ANKRD12: variants seen among roughly 807,000 people sequenced by gnomAD.
ANKRD12 encodes ankyrin repeat domain-containing protein 12.
Under a neutral mutation model 183.4 loss-of-function variants are expected in ANKRD12, and 85 were observed. The observed-to-expected ratio is 0.46, with a 90% CI of 0.39 to 0.56. ANKRD12 has a LOEUF of 0.56. Among genes scored for constraint, ANKRD12 ranks in the 20% least tolerant of loss-of-function variants. The pLI is 0.00. For synonymous variants in ANKRD12, 914 were observed against 800.2 expected (o/e 1.14, Z -2.40); for missense variants, 2,405 against 2,357.1 (o/e 1.02, Z -0.42).
At chr18:9,267,042 G>C (rs1000940667) in intron 10 of ANKRD12, among the ~76,000 whole-genome samples, 5 of 152,070 alleles carry the variant, frequency 3.3e-5, no homozygotes, top group South Asian at 2.1e-4. Flanking sequence ...AATGGTAAAG[G>C]GATCAATTCA....
At chr18:9,139,989 A>C (rs1276634134) in intron 1 of ANKRD12, among the ~76,000 whole-genome samples, 1 of 152,174 alleles carries the variant, frequency 6.6e-6, no homozygotes, top group Non-Finnish European at 1.5e-5. Context: ...AGAACATTGA[A>C]ATATAAGTGA....
At chr18:9,180,645 G>A (rs1050137064) in intron 1 of ANKRD12, among the ~76,000 whole-genome samples, 2 of 152,000 alleles carry the variant, frequency 1.3e-5, no homozygotes, top group African/African-American at 4.8e-5. Flanking sequence ...TATACATCTT[G>A]CACCCAGAAG....
chr18:9,152,723 T>G (rs1171615909), intron 1 of ANKRD12, among the ~76,000 whole-genome samples: 1 of 152,076 alleles, frequency 6.6e-6, no homozygotes, highest in Non-Finnish European at 1.5e-5. Flanking sequence ...AGGCATCCAT[T>G]TGATTTATTG....
intron 12 of ANKRD12, among the ~76,000 whole-genome samples, chr18:9,280,354 G>A (rs1191945079): frequency 6.6e-6 from 1 of 152,216 alleles, no homozygotes; most frequent in Non-Finnish European, 1.5e-5. Flanking sequence ...CTCACCTCCT[G>A]CGGTGTGGCC....
At position 9,284,733 on chromosome 18, in the gene ANKRD12, A is replaced by G. The variant is rs1054447487; in HGVS notation, c.*3607A>G. The G allele has an allele frequency of 2.6e-5, 4 of 152,322 alleles. No individual in the cohort carries two copies. Among genetic ancestry groups the G allele is most frequent in the African/African-American group, 7.2e-5 (3 of 41,562 alleles). The allele number at this position is 152,322 out of a possible 1,614,324, so 9.4% of individuals were successfully genotyped here. ...CAGTCAGTAAAAGTAGAATTCATAG[A>G]AAAAACTGAGGCAAATTAAAACAAT... On this transcript the variant is annotated 3_prime_UTR_variant, in exon 13 of 13. Coordinates refer to ENST00000262126, the MANE Select transcript of ANKRD12 (RefSeq NM_015208.5).
At chr18:9,204,961 C>T in intron 4 of ANKRD12, among the ~76,000 whole-genome samples, 1 of 152,176 alleles carries the variant, frequency 6.6e-6, no homozygotes, top group East Asian at 1.9e-4. Context: ...ACCGTTTAGT[C>T]ATGTGATGTT....
At chr18:9,241,242 G>C (rs2037644289) in intron 8 of ANKRD12, among the ~76,000 whole-genome samples, 1 of 152,114 alleles carries the variant, frequency 6.6e-6, no homozygotes, top group South Asian at 2.1e-4. Flanking sequence ...CAAATTTGAT[G>C]ATCGGGAATC....
chr18:9,222,092 T>C (rs2036452997), intron 8 of ANKRD12, 93 bp downstream of exon 8: 2 of 1,428,984 alleles, frequency 1.4e-6, no homozygotes, highest in Non-Finnish European at 1.9e-6. Flanking sequence ...AATGTTTGAA[T>C]ACTTTAGAAT....
chr18:9,233,736 G>A (rs2037184168), intron 8 of ANKRD12, among the ~76,000 whole-genome samples: 1 of 152,200 alleles, frequency 6.6e-6, no homozygotes, highest in Non-Finnish European at 1.5e-5. Flanking sequence ...TGCAGTTAGT[G>A]GAGTTTATGG....
rs768254788 is a variant in ANKRD12 at position 9,200,684 on chromosome 18, A to G, written c.236-3792A>G. 6.6e-5 allele frequency: 10 copies of G among 152,354 alleles called. No individual in the cohort carries two copies. In the East Asian group the frequency reaches 1.7e-3, roughly 26 times the overall value. 9.4% of individuals were successfully genotyped at this position (152,354 alleles called of 1,614,324 possible). A position where few individuals can be genotyped will look rare whatever the true frequency, so the allele number is the denominator to read the frequency against. ...CCTTATCTGTAAAAGTACATATAAT[A>G]GTATCAGTTTCAGAGAATTGTGACC... On this transcript the variant is annotated intron_variant, in intron 3 of 12. Transcript: ENST00000262126.
chr18:9,276,301 A>G (rs1027667924), intron 11 of ANKRD12, among the ~76,000 whole-genome samples: 1 of 152,260 alleles, frequency 6.6e-6, no homozygotes, highest in Non-Finnish European at 1.5e-5. Context: ...TCTAAAGGAA[A>G]TAAGCTAGTA....
chr18:9,155,504 GA>G (rs2030272538), intron 1 of ANKRD12, among the ~76,000 whole-genome samples: 1 of 152,186 alleles, frequency 6.6e-6, no homozygotes, highest in Non-Finnish European at 1.5e-5. Flanking sequence ...TACTAGAAGA[GA>G]AGACTGTGCG....
intron 10 of ANKRD12, among the ~76,000 whole-genome samples, chr18:9,272,613 G>C (rs2039658975): frequency 6.6e-6 from 1 of 151,950 alleles, no homozygotes; most frequent in Non-Finnish European, 1.5e-5. Flanking sequence ...GTTTGCTTTT[G>C]AGGGATTTTT....
At chr18:9,215,510 A>G (rs1185056379) in intron 6 of ANKRD12, among the ~76,000 whole-genome samples, 1 of 152,110 alleles carries the variant, frequency 6.6e-6, no homozygotes. Flanking sequence ...AAAGGCATTA[A>G]AGTGGTGTAC....
intron 4 of ANKRD12, among the ~76,000 whole-genome samples, chr18:9,206,974 G>A (rs1260097905): frequency 6.6e-6 from 1 of 151,776 alleles, no homozygotes; most frequent in African/African-American, 2.4e-5. Flanking sequence ...TTTATTTCTT[G>A]TCTTTGAAAC....
chr18:9,241,836 G>GTAAAT (rs1029682804), intron 8 of ANKRD12, among the ~76,000 whole-genome samples: 3 of 150,112 alleles, frequency 2.0e-5, no homozygotes, highest in African/African-American at 2.5e-5. Flanking sequence ...ACATACAGAT[G>GTAAAT]TAAATTAATT....
chr18:9,236,388 CTA>C (rs148014103), intron 8 of ANKRD12, among the ~76,000 whole-genome samples: 3,886 of 145,732 alleles, frequency 0.027, 81 homozygotes, highest in Non-Finnish European at 0.042. Flanking sequence ...CTAAGTGAAA[CTA>C]TTAGAGGAAA....
intron 1 of ANKRD12, among the ~76,000 whole-genome samples, chr18:9,168,221 A>T (rs1044059476): frequency 6.6e-6 from 1 of 152,150 alleles, no homozygotes. Flanking sequence ...TATCAGGATG[A>T]TGCTGGCCTC....
chr18:9,207,305 A>G (rs546800101), intron 4 of ANKRD12, among the ~76,000 whole-genome samples: 2 of 152,248 alleles, frequency 1.3e-5, no homozygotes, highest in Admixed American at 6.5e-5. Context: ...ATAAATATGA[A>G]AAGATTATAC....
Sources: allele counts gnomAD v4.1 joint callset (sites outside exome capture counted in the v4.1 genomes callset), GRCh38; gene constraint gnomAD v4.1.1; transcripts MANE v1.5; gene names NCBI Gene and HGNC (gene_info 2026-07-23, HGNC 2026-07-21).